The following PLCB1 variants were observed in gnomAD, a reference collection of about 807,000 sequenced individuals.
PLCB1 encodes the protein phospholipase C beta 1.
In PLCB1, 46 loss-of-function variants were observed where a neutral mutation model predicts 161.8. That is an observed-to-expected ratio of 0.28 (90% confidence interval 0.22 to 0.36). The LOEUF (loss-of-function observed/expected upper bound fraction) is 0.36, where lower values mean the gene tolerates loss of function less well. PLCB1 is among the 10% of genes least tolerant of loss of function. PLCB1 has a pLI of 1.00. For synonymous variants in PLCB1, 517 were observed against 503.7 expected (o/e 1.03, Z -0.35); for missense variants, 1,016 against 1,472.5 (o/e 0.69, Z 5.07).
At chr20:8,739,623 T>C (rs1052972809) in intron 21 of PLCB1, among the ~76,000 whole-genome samples, 6 of 152,218 alleles carry the variant, frequency 3.9e-5, no homozygotes, top group African/African-American at 9.6e-5. Flanking sequence ...GGTCTGTGGG[T>C]TGGCCGGGTT....
chr20:8,765,894 G>T (rs1425495337), intron 26 of PLCB1, among the ~76,000 whole-genome samples: 1 of 152,120 alleles, frequency 6.6e-6, no homozygotes, highest in Non-Finnish European at 1.5e-5. Context: ...TGCCCAGCTG[G>T]TCTTGAACTC....
chr20:8,368,010 C>G (rs1363860291), intron 2 of PLCB1, among the ~76,000 whole-genome samples: 1 of 152,108 alleles, frequency 6.6e-6, no homozygotes, highest in African/African-American at 2.4e-5. Flanking sequence ...CAGTGCCCTG[C>G]GGTGGTTTTC....
intron 31 of PLCB1, among the ~76,000 whole-genome samples, chr20:8,819,366 T>C (rs541137409): frequency 1.3e-5 from 2 of 152,272 alleles, no homozygotes; most frequent in South Asian, 4.1e-4. Context: ...AAATCCTATC[T>C]ATGTGGTTTC....
chr20:8,830,639 G>T (rs957141462), intron 31 of PLCB1, among the ~76,000 whole-genome samples: 1 of 151,926 alleles, frequency 6.6e-6, no homozygotes, highest in Non-Finnish European at 1.5e-5. Context: ...TTATGTATCC[G>T]ATCAAGTACC....
At chr20:8,491,416 C>T (rs903784749) in intron 3 of PLCB1, among the ~76,000 whole-genome samples, 1 of 151,998 alleles carries the variant, frequency 6.6e-6, no homozygotes, top group Non-Finnish European at 1.5e-5. Context: ...AAATATTTTT[C>T]TGCCTCTCCC....
rs374708078 is a variant in PLCB1, at chr20:8,132,774, C to G, written c.99+24C>G. 2.1e-4 allele frequency: 328 copies of G among 1,540,662 alleles called. No homozygotes were observed. In the African/African-American group the frequency reaches 3.9e-3, roughly 19 times the overall value. On this transcript the variant is annotated intron_variant, in intron 1 of 31. Transcript: ENST00000338037. This position sits in a 1 kb window ranked among gnomAD's most constrained non-coding sequence, Gnocchi z 5.2. Reference sequence around the variant, plus strand: ...ATGTAAGTATTGGGGCGGCCCGAGTCGGGGCGCTGGCTCGGGCACCGGGCA... The same window carrying G: ...ATGTAAGTATTGGGGCGGCCCGAGTGGGGGCGCTGGCTCGGGCACCGGGCA...
At chr20:8,331,022 T>C (rs1205632677) in intron 2 of PLCB1, among the ~76,000 whole-genome samples, 1 of 152,210 alleles carries the variant, frequency 6.6e-6, no homozygotes, top group Non-Finnish European at 1.5e-5. Flanking sequence ...AACAGTGGAC[T>C]AGCAGAAAAT....
intron 2 of PLCB1, among the ~76,000 whole-genome samples, chr20:8,197,763 G>C (rs1188641191): frequency 6.6e-6 from 1 of 152,090 alleles, no homozygotes; most frequent in Non-Finnish European, 1.5e-5. Context: ...GTATTGCCTA[G>C]GTTTTCTTCT....
At chr20:8,231,465 T>C (rs1980031769) in intron 2 of PLCB1, among the ~76,000 whole-genome samples, 1 of 152,170 alleles carries the variant, frequency 6.6e-6, no homozygotes, top group East Asian at 1.9e-4. Flanking sequence ...ATCTGTTTTC[T>C]AAGGAGAGCC....
intron 26 of PLCB1, 119 bp downstream of exon 26, chr20:8,765,477 C>T (rs1043647408): frequency 1.8e-5 from 13 of 714,234 alleles, no homozygotes; most frequent in East Asian, 2.7e-5. Context: ...ACCTAACCTC[C>T]GTTCTCCATA....
At chr20:8,641,950 T>G (rs1033503975) in intron 4 of PLCB1, among the ~76,000 whole-genome samples, 6 of 152,218 alleles carry the variant, frequency 3.9e-5, no homozygotes, top group Non-Finnish European at 7.3e-5. Flanking sequence ...AACGACCCAT[T>G]GCACTTGATA....
intron 27 of PLCB1, among the ~76,000 whole-genome samples, chr20:8,776,328 T>C (rs1982942270): frequency 2.0e-5 from 3 of 152,218 alleles, no homozygotes. Flanking sequence ...ACATTTGGGA[T>C]TTGAACCTTG....
At chr20:8,196,870 C>A (rs12481559) in intron 2 of PLCB1, among the ~76,000 whole-genome samples, 88 of 151,862 alleles carry the variant, frequency 5.8e-4, no homozygotes, top group Middle Eastern at 6.8e-3. Context: ...TTCCTGTGTC[C>A]AAGTGTTCTC....
At chr20:8,492,199 C>T (rs1042632877) in intron 3 of PLCB1, among the ~76,000 whole-genome samples, 2 of 151,534 alleles carry the variant, frequency 1.3e-5, no homozygotes, top group Non-Finnish European at 2.9e-5. Context: ...CAACCAGCCC[C>T]TCTCTGTTTT....
chr20:8,602,094 G>T (rs2123144640), intron 3 of PLCB1, among the ~76,000 whole-genome samples: 1 of 152,246 alleles, frequency 6.6e-6, no homozygotes, highest in South Asian at 2.1e-4. Flanking sequence ...CCTCAGATAA[G>T]AATTAAAGTT....
intron 3 of PLCB1, among the ~76,000 whole-genome samples, chr20:8,516,840 T>C (rs776002829): frequency 4.0e-5 from 6 of 151,826 alleles, no homozygotes; most frequent in Non-Finnish European, 7.4e-5. Flanking sequence ...AAGAAAACCA[T>C]CCATCAAAGA....
At chr20:8,579,461 A>G (rs1986768246) in intron 3 of PLCB1, among the ~76,000 whole-genome samples, 1 of 152,174 alleles carries the variant, frequency 6.6e-6, no homozygotes, top group Admixed American at 6.5e-5. Flanking sequence ...CTAAACAACT[A>G]CTTATTGTTC....
intron 3 of PLCB1, among the ~76,000 whole-genome samples, chr20:8,466,024 C>T (rs1238309472): frequency 2.8e-5 from 4 of 143,838 alleles, no homozygotes; most frequent in Non-Finnish European, 3.0e-5. Flanking sequence ...CACATGCACA[C>T]GTATGTTTAT....
At chr20:8,856,951 T>C (rs1357846686) in intron 31 of PLCB1, among the ~76,000 whole-genome samples, 1 of 152,234 alleles carries the variant, frequency 6.6e-6, no homozygotes, top group Non-Finnish European at 1.5e-5. Flanking sequence ...TCTCCTGGTC[T>C]TAGTTGTTCT....
Sources: allele counts gnomAD v4.1 joint callset (sites outside exome capture counted in the v4.1 genomes callset), GRCh38; gene constraint gnomAD v4.1.1; non-coding constraint Gnocchi (gnomAD v3.1); transcripts MANE v1.5; gene names NCBI Gene and HGNC (gene_info 2026-07-23, HGNC 2026-07-21).